The following TG variants were observed in gnomAD, a reference collection of about 807,000 sequenced individuals.
The protein encoded by TG is thyroid hormones.
Under a neutral mutation model 324.7 loss-of-function variants are expected in TG, and 270 were observed. The ratio of observed to expected loss-of-function variants is 0.83; its 90% CI spans 0.75 to 0.92. TG has a LOEUF of 0.92. TG is among the 40% of genes least tolerant of loss of function. TG has a pLI of 0.00. For missense variants in TG, 3,591 were observed against 3,456.4 expected, an observed-to-expected ratio of 1.04 and a Z score of -0.98; for synonymous variants, 1,401 against 1,327.0, an observed-to-expected ratio of 1.06 and a Z score of -1.21.
At chr8:133,042,158 C>G (rs570728384) in intron 41 of TG, among the ~76,000 whole-genome samples, 1 of 152,004 alleles carries the variant, frequency 6.6e-6, no homozygotes, top group Non-Finnish European at 1.5e-5. Context: ...TACTCAGGGC[C>G]GTAGAAATGT....
chr8:132,893,911 C>A lies in TG; in HGVS notation c.2983C>A (p.Arg995Ser), dbSNP rs114091109. ...QFLRGSDYAI[R>S]LAAQSTLSFY... ...TCTGCGTGGGAGTGATTACGCCATT[C>A]GCCTGGCGGCTCAGTCTAGTGAGTG... The change falls in exon 11 of 48, where the codon CGC becomes AGC. Residue 995 changes from arginine to serine, a missense_variant. Physicochemically the swap from Arg to Ser is moderately radical, Grantham distance 110 (BLOSUM62 -1). Coordinates refer to ENST00000220616, the MANE Select transcript of TG (RefSeq NM_003235.5). The A allele has an allele frequency of 1.2e-6, 2 of 1,614,038 alleles. No homozygotes were observed. The highest frequency in any genetic ancestry group is 2.2e-5 in the South Asian group (2 of 91,082).
chr8:132,869,193 C>A (rs979415829), intron 2 of TG, among the ~76,000 whole-genome samples: 1 of 152,158 alleles, frequency 6.6e-6, no homozygotes, highest in South Asian at 2.1e-4. Context: ...ATATGCTGTT[C>A]CCTTTACCTG....
chr8:133,049,258 C>T, intron 41 of TG: 1 of 417,030 alleles, frequency 2.4e-6, no homozygotes, highest in South Asian at 1.7e-5. Flanking sequence ...GTTTATCTTA[C>T]CCATTTTTCA....
At chr8:133,119,923 G>T (rs1474698500) in intron 45 of TG, among the ~76,000 whole-genome samples, 3 of 152,190 alleles carry the variant, frequency 2.0e-5, no homozygotes, top group African/African-American at 4.8e-5. Context: ...AAAATAAGTG[G>T]CAGGCCAGGA....
intron 41 of TG, among the ~76,000 whole-genome samples, chr8:133,030,491 G>A (rs1040237392): frequency 6.6e-6 from 1 of 152,154 alleles, no homozygotes; most frequent in African/African-American, 2.4e-5. Context: ...CAATAATTAT[G>A]ATGGAAAAAA....
intron 27 of TG, among the ~76,000 whole-genome samples, chr8:132,956,826 C>T (rs1826951073): frequency 1.3e-5 from 2 of 152,024 alleles, no homozygotes; most frequent in South Asian, 2.1e-4. Context: ...TTAGCTAAAC[C>T]TAATGGAGTT....
Position 132,897,119 on chromosome 8 carries a change from G to A in TG, c.3002-530G>A, listed in dbSNP as rs1404876454. ...AGGAGTTTGGTAGGGAAACCTACGA[G>A]GGCAGCTGATGTCAATCGCCCTCCT... On this transcript the variant is annotated intron_variant, in intron 11 of 47. Coordinates refer to ENST00000220616, the MANE Select transcript of TG (RefSeq NM_003235.5). 2.0e-5 allele frequency among the ~76,000 whole-genome samples: 3 copies of A among 152,200 alleles called. No individual in the cohort carries two copies. The East Asian group carries it at 5.8e-4, about 29-fold the overall frequency.
In TG at chr8:132,972,588, T is replaced by C. The variant is rs752869590; in HGVS notation, c.6056-10T>C. 18 of 1,609,012 alleles carry C rather than the reference T, an allele frequency of 1.1e-5. No homozygotes were observed. The highest frequency in any genetic ancestry group is 1.4e-5 in the Non-Finnish European group (16 of 1,178,310). ...ATTGTGGTTTTTTGTTTTTTTTTTTTCCACCCCAGGAGGAGAGGTGACATG... is the reference window on the plus strand; with the variant it reads ...ATTGTGGTTTTTTGTTTTTTTTTTTCCCACCCCAGGAGGAGAGGTGACATG... On this transcript the variant is annotated splice_polypyrimidine_tract_variant and intron_variant, in intron 33 of 47. Coordinates refer to ENST00000220616, the MANE Select transcript of TG (RefSeq NM_003235.5).
At chr8:133,039,787 C>T (rs570648374) in intron 41 of TG, among the ~76,000 whole-genome samples, 11 of 152,196 alleles carry the variant, frequency 7.2e-5, no homozygotes, top group Non-Finnish European at 1.3e-4. Context: ...CTGCCACACA[C>T]CTCGTGAGGC....
chr8:132,987,406 A>G (rs1456586035), intron 35 of TG, among the ~76,000 whole-genome samples: 1 of 148,178 alleles, frequency 6.7e-6, no homozygotes, highest in East Asian at 1.9e-4. Flanking sequence ...TGCACTGTGT[A>G]TATGTAAAAT....
chr8:132,967,399 T>TATA lies in TG; in HGVS notation c.5687-395_5687-394insATA, dbSNP rs1262536591. Among the ~76,000 whole-genome samples the TATA allele has an allele frequency of 3.9e-5, 6 of 152,210 alleles. No individual in the cohort carries two copies. The East Asian group carries it at 1.2e-3, about 29-fold the overall frequency. ...GCTCATATATACCAGGGGCACAGGC[T>TATA]GACTTGGGCACAGGTGCAGGGAGAC... On this transcript the variant is annotated intron_variant, in intron 30 of 47. Transcript: ENST00000220616.
At chr8:132,886,385 A>C (rs1815424337) in intron 8 of TG, 63 bp from the exon 9 acceptor site, 8 of 1,604,342 alleles carry the variant, frequency 5.0e-6, no homozygotes, top group Non-Finnish European at 6.0e-6. Flanking sequence ...GGATCTGAGG[A>C]GCTGTCTCAG....
At chr8:133,043,830 G>A (rs1838780648) in intron 41 of TG, among the ~76,000 whole-genome samples, 1 of 152,252 alleles carries the variant, frequency 6.6e-6, no homozygotes, top group African/African-American at 2.4e-5. Flanking sequence ...CCCAGTGTGT[G>A]AGGTCAAGCA....
chr8:133,106,360 AT>A (rs1315136803), intron 43 of TG: 10 of 975,250 alleles, frequency 1.0e-5, no homozygotes, highest in Admixed American at 6.2e-5. Flanking sequence ...CCTGGGGCCA[AT>A]GCAAGGACAC....
intron 41 of TG, chr8:133,044,930 A>G (rs1268431395): frequency 1.9e-6 from 3 of 1,584,106 alleles, no homozygotes; most frequent in African/African-American, 1.3e-5. Context: ...CCACAGAGCA[A>G]TTAGCTAAGA....
intron 12 of TG, 69 bp downstream of exon 12, chr8:132,897,855 A>G: frequency 6.3e-7 from 1 of 1,584,804 alleles, no homozygotes; most frequent in Non-Finnish European, 8.6e-7. Context: ...ACAGAGCCCC[A>G]CACTGGGAGG....
chr8:133,096,438 G>A, intron 43 of TG, 65 bp downstream of exon 43: 1 of 1,582,674 alleles, frequency 6.3e-7, no homozygotes. Flanking sequence ...GGACCTCAAT[G>A]TCTGACTTGA....
At chr8:132,972,039 A>T (rs1013920496) in intron 33 of TG, among the ~76,000 whole-genome samples, 166 bp downstream of exon 33, 1 of 152,222 alleles carries the variant, frequency 6.6e-6, no homozygotes. Flanking sequence ...GGTAGCTGAG[A>T]CATGGCTCCT....
intron 43 of TG, among the ~76,000 whole-genome samples, chr8:133,103,681 G>A (rs1019504908): frequency 1.6e-4 from 24 of 152,202 alleles, no homozygotes; most frequent in African/African-American, 5.6e-4. Context: ...CCTTGGCCCT[G>A]AGCAAGCTGT....
Sources: gnomAD v4.1 joint callset for allele counts (sites outside exome capture counted in the v4.1 genomes callset) on GRCh38, gnomAD v4.1.1 for gene constraint, MANE v1.5 for transcripts, NCBI Gene and HGNC (gene_info 2026-07-23, HGNC 2026-07-21) for gene names.